Variants in QKI observed in about 807,000 individuals in gnomAD.
QKI encodes the protein QKI, KH domain containing RNA binding.
Under a neutral mutation model 39.0 loss-of-function variants are expected in QKI, and 10 were observed. The ratio of observed to expected loss-of-function variants is 0.26; its 90% CI spans 0.16 to 0.43. The LOEUF (loss-of-function observed/expected upper bound fraction) is 0.43, where lower values mean the gene tolerates loss of function less well. Among genes scored for constraint, QKI ranks in the 20% least tolerant of loss-of-function variants. The pLI is 1.00. For missense variants in QKI, 218 were observed against 428.0 expected (o/e 0.51, Z 4.33); for synonymous variants, 204 against 155.4 (o/e 1.31, Z -2.33).
intron 4 of QKI, among the ~76,000 whole-genome samples, chr6:163,548,453 C>T (rs1782024827): frequency 6.6e-6 from 1 of 152,180 alleles, no homozygotes; most frequent in Non-Finnish European, 1.5e-5. Flanking sequence ...TTGCTCTGTT[C>T]TAAATCAATT....
intron 1 of QKI, chr6:163,428,880 G>T (rs1788616354): frequency 6.6e-6 from 1 of 151,952 alleles, no homozygotes; most frequent in African/African-American, 2.4e-5. Flanking sequence ...GATTGACTTT[G>T]CCACCTTTGT....
At chr6:163,470,911 AG>A in intron 2 of QKI, among the ~76,000 whole-genome samples, 1 of 152,036 alleles carries the variant, frequency 6.6e-6, no homozygotes, top group Non-Finnish European at 1.5e-5. Context: ...TAATATATGT[AG>A]TTGTAGTATT....
chr6:163,544,362 T>C (rs997110172), intron 4 of QKI, among the ~76,000 whole-genome samples: 3 of 152,078 alleles, frequency 2.0e-5, no homozygotes, highest in Non-Finnish European at 4.4e-5. Flanking sequence ...TTTTGGTATC[T>C]GTAGATTTTG....
intron 2 of QKI, among the ~76,000 whole-genome samples, chr6:163,456,361 G>T (rs1489682435): frequency 1.3e-5 from 2 of 151,818 alleles, no homozygotes; most frequent in African/African-American, 4.8e-5. Flanking sequence ...CCTTGTCTTT[G>T]TTATTCACTG....
intron 3 of QKI, among the ~76,000 whole-genome samples, chr6:163,511,628 C>G (rs1779485520): frequency 6.6e-6 from 1 of 151,678 alleles, no homozygotes; most frequent in African/African-American, 2.4e-5. Context: ...TTGGAAAACA[C>G]AAATTATTAC....
At chr6:163,420,655 T>G (rs1410198441) in intron 1 of QKI, among the ~76,000 whole-genome samples, 1 of 152,168 alleles carries the variant, frequency 6.6e-6, no homozygotes, top group Non-Finnish European at 1.5e-5. Flanking sequence ...TTAAGTGCAA[T>G]AATGTGTTGT....
intron 1 of QKI, among the ~76,000 whole-genome samples, chr6:163,422,249 C>T (rs1195834064): frequency 6.6e-6 from 1 of 152,128 alleles, no homozygotes; most frequent in African/African-American, 2.4e-5. Flanking sequence ...ATCCGGCAAT[C>T]CTATCAAGTC....
intron 4 of QKI, among the ~76,000 whole-genome samples, chr6:163,558,324 A>G (rs1782767718): frequency 6.6e-6 from 1 of 152,162 alleles, no homozygotes; most frequent in South Asian, 2.1e-4. Context: ...CAAAACCAGG[A>G]CAGTAACATT....
At chr6:163,464,122 T>G (rs1321314423) in intron 2 of QKI, among the ~76,000 whole-genome samples, 2 of 152,190 alleles carry the variant, frequency 1.3e-5, no homozygotes, top group Non-Finnish European at 2.9e-5. Context: ...GTGATCTGCC[T>G]GATTCTTGCA....
chr6:163,415,664 G>C (rs1415547597), intron 1 of QKI, among the ~76,000 whole-genome samples: 2 of 151,892 alleles, frequency 1.3e-5, no homozygotes, highest in Non-Finnish European at 2.9e-5. Context: ...GTCGGCGGGG[G>C]CTGCGCGGAC....
intron 2 of QKI, among the ~76,000 whole-genome samples, chr6:163,478,264 G>A (rs1237116705): frequency 1.3e-5 from 2 of 152,148 alleles, no homozygotes; most frequent in Non-Finnish European, 2.9e-5. Flanking sequence ...GACACATTTA[G>A]TGTAGCCAAC....
At chr6:163,531,765 C>A (rs1047434935) in intron 3 of QKI, among the ~76,000 whole-genome samples, 1 of 152,192 alleles carries the variant, frequency 6.6e-6, no homozygotes, top group Non-Finnish European at 1.5e-5. Context: ...TCGGCCCCCC[C>A]AAAGTGCTGG....
intron 1 of QKI, among the ~76,000 whole-genome samples, chr6:163,437,220 A>G (rs1164456659): frequency 1.3e-5 from 2 of 152,198 alleles, no homozygotes; most frequent in African/African-American, 2.4e-5. Flanking sequence ...ATTTGTTGCA[A>G]TTTAACGTGT....
intron 1 of QKI, among the ~76,000 whole-genome samples, chr6:163,417,935 C>G (rs1787663689): frequency 6.6e-6 from 1 of 152,098 alleles, no homozygotes; most frequent in African/African-American, 2.4e-5. Context: ...TTGTTATAAA[C>G]TTAATTTGAC....
chr6:163,538,654 T>G (rs188247730), intron 4 of QKI, among the ~76,000 whole-genome samples: 1 of 152,292 alleles, frequency 6.6e-6, no homozygotes, highest in East Asian at 1.9e-4. Flanking sequence ...AAAGGATCAT[T>G]CCAGCTGCTG....
At chr6:163,562,148 A>T in intron 5 of QKI, 79 bp downstream of exon 5, 1 of 964,126 alleles carries the variant, frequency 1.0e-6, no homozygotes, top group Non-Finnish European at 1.5e-6. Context: ...TTGGCAACAC[A>T]ATAATAGTTC....
At chr6:163,438,974 T>G (rs928406759) in intron 1 of QKI, among the ~76,000 whole-genome samples, 7 of 152,250 alleles carry the variant, frequency 4.6e-5, no homozygotes, top group African/African-American at 1.4e-4. Flanking sequence ...ATCCTTATTC[T>G]ATAAGCTCTT....
chr6:163,472,699 T>A (rs1792292506), intron 2 of QKI, among the ~76,000 whole-genome samples: 1 of 152,176 alleles, frequency 6.6e-6, no homozygotes, highest in Non-Finnish European at 1.5e-5. Flanking sequence ...CTGATTACAC[T>A]GTAGGAAGCT....
intron 4 of QKI, among the ~76,000 whole-genome samples, chr6:163,550,666 G>A (rs1186259753): frequency 2.0e-5 from 3 of 152,132 alleles, no homozygotes; most frequent in Non-Finnish European, 4.4e-5. Flanking sequence ...GCTGCTTATG[G>A]CTGGGCGTGG....
Sources: allele counts gnomAD v4.1 joint callset (sites outside exome capture counted in the v4.1 genomes callset), GRCh38; gene constraint gnomAD v4.1.1; transcripts MANE v1.5; gene names NCBI Gene and HGNC (gene_info 2026-07-23, HGNC 2026-07-21).